Variants in CERS3 observed in about 807,000 individuals in gnomAD.
CERS3 encodes LAG1 homolog, ceramide synthase 3.
In CERS3, 33 loss-of-function variants were observed where a neutral mutation model predicts 50.3. The ratio of observed to expected loss-of-function variants is 0.66; its 90% CI spans 0.50 to 0.88. The LOEUF is 0.88. CERS3 is among the 40% of genes least tolerant of loss of function. The pLI is 0.00. For synonymous variants in CERS3, 176 were observed against 155.2 expected, an observed-to-expected ratio of 1.13 and a Z score of -0.99; for missense variants, 470 against 460.3, an observed-to-expected ratio of 1.02 and a Z score of -0.19.
intron 9 of CERS3, among the ~76,000 whole-genome samples, chr15:100,471,181 TAA>T (rs1272588628): frequency 6.6e-6 from 1 of 152,226 alleles, no homozygotes; most frequent in African/African-American, 2.4e-5. Context: ...AAGCTGTTCT[TAA>T]AGTTTGCCCA....
intron 10 of CERS3, among the ~76,000 whole-genome samples, chr15:100,468,126 A>T (rs1039267130): frequency 7.9e-5 from 12 of 152,114 alleles, no homozygotes; most frequent in Admixed American, 6.5e-4. Context: ...CTTAGATTTG[A>T]TTCTAGTTGA....
intron 1 of CERS3, among the ~76,000 whole-genome samples, chr15:100,524,773 A>G (rs1001515449): frequency 3.3e-5 from 5 of 152,250 alleles, no homozygotes; most frequent in Non-Finnish European, 7.3e-5. Flanking sequence ...ATGTTTTCAG[A>G]ATTTTTTGCT....
At chr15:100,493,434 T>C (rs1349749306) in intron 3 of CERS3, among the ~76,000 whole-genome samples, 1 of 152,214 alleles carries the variant, frequency 6.6e-6, no homozygotes, top group Non-Finnish European at 1.5e-5. Context: ...ATTCCTTGTA[T>C]GTGATGAGTT....
intron 5 of CERS3, among the ~76,000 whole-genome samples, chr15:100,480,456 C>T (rs76308706): frequency 0.07 from 10,687 of 152,230 alleles, 518 homozygotes; most frequent in Non-Finnish European, 0.11. Context: ...TCTCTTATCC[C>T]CATTTAATTC....
rs557998184 is a variant in CERS3 at position 100,461,866 on chromosome 15, C to T, written c.846-5820G>A. Among the ~76,000 whole-genome samples, 98 of 152,232 alleles carry T rather than the reference C, an allele frequency of 6.4e-4. 1 individual carries two copies. The highest frequency in any genetic ancestry group is 2.3e-3 in the African/African-American group (96 of 41,538). ...TGGAACAGGAGTCAGAGGGGAGTAGCCATTGTGGCACGGGTAACAACCAGC... is the reference window on the plus strand; with the variant it reads ...TGGAACAGGAGTCAGAGGGGAGTAGTCATTGTGGCACGGGTAACAACCAGC... On this transcript the variant is annotated intron_variant, in intron 10 of 11. Coordinates refer to ENST00000679737, the MANE Select transcript of CERS3 (RefSeq NM_001378789.1).
chr15:100,409,979 G>A (rs1425558770), intron 11 of CERS3, among the ~76,000 whole-genome samples: 1 of 152,198 alleles, frequency 6.6e-6, no homozygotes, highest in African/African-American at 2.4e-5. Flanking sequence ...ATCTGCCAGA[G>A]TGACTCCCCC....
At chr15:100,416,131 A>AAAGT (rs35137534) in intron 11 of CERS3, among the ~76,000 whole-genome samples, 85,888 of 151,536 alleles carry the variant, frequency 0.57, 24,534 homozygotes, top group Non-Finnish European at 0.6. Context: ...GAATTAGAAA[A>AAAGT]ATTATAAAAT....
At chr15:100,455,252 G>GAA (rs140205540) in intron 11 of CERS3, among the ~76,000 whole-genome samples, 1 of 144,088 alleles carries the variant, frequency 6.9e-6, no homozygotes, top group African/African-American at 2.5e-5. Context: ...TTATCCCAAG[G>GAA]AAAAAAAAAA....
intron 2 of CERS3, among the ~76,000 whole-genome samples, chr15:100,517,940 C>T (rs2036537362): frequency 6.6e-6 from 1 of 152,138 alleles, no homozygotes; most frequent in Non-Finnish European, 1.5e-5. Context: ...TGGCCAAGGG[C>T]CAATGGCATT....
At chr15:100,520,751 A>G (rs989058753) in intron 2 of CERS3, among the ~76,000 whole-genome samples, 1 of 152,072 alleles carries the variant, frequency 6.6e-6, no homozygotes, top group Non-Finnish European at 1.5e-5. Context: ...CTTCTGCCTG[A>G]GCCCTCCACT....
chr15:100,517,681 C>G (rs905543), intron 2 of CERS3, among the ~76,000 whole-genome samples: 151,242 of 152,264 alleles, frequency 0.99, 75,125 homozygotes, highest in Middle Eastern at 1. Flanking sequence ...AAATGTGTTT[C>G]TTATGTAATG....
chr15:100,461,789 G>A (rs946948223), intron 10 of CERS3, among the ~76,000 whole-genome samples: 1 of 152,144 alleles, frequency 6.6e-6, no homozygotes, highest in Non-Finnish European at 1.5e-5. Context: ...TGGGGACTCT[G>A]CTGCCTGAAC....
At chr15:100,421,061 T>C (rs554770376) in intron 11 of CERS3, among the ~76,000 whole-genome samples, 1 of 148,516 alleles carries the variant, frequency 6.7e-6, no homozygotes, top group South Asian at 2.2e-4. Context: ...CTATTCAACA[T>C]AGTGTTGGAA....
intron 1 of CERS3, among the ~76,000 whole-genome samples, chr15:100,535,415 A>T (rs944331484): frequency 1.3e-5 from 2 of 152,260 alleles, no homozygotes; most frequent in Non-Finnish European, 2.9e-5. Flanking sequence ...GGAGCTAAGG[A>T]TGTCAAGAAT....
chr15:100,414,548 C>G (rs577991483), intron 11 of CERS3, among the ~76,000 whole-genome samples: 4 of 152,040 alleles, frequency 2.6e-5, no homozygotes, highest in Non-Finnish European at 5.9e-5. Context: ...GCTACAAAAA[C>G]CAAAACAGCA....
chr15:100,408,661 A>T (rs1457719723), intron 11 of CERS3: 1 of 152,114 alleles, frequency 6.6e-6, no homozygotes, highest in Non-Finnish European at 1.5e-5. Flanking sequence ...TCCCTGCGGT[A>T]AGAGTTTATT....
intron 2 of CERS3, among the ~76,000 whole-genome samples, chr15:100,513,945 C>G (rs1209653999): frequency 6.6e-6 from 1 of 152,164 alleles, no homozygotes; most frequent in Non-Finnish European, 1.5e-5. Context: ...TTCCAGAGCC[C>G]CAGATCCCCC....
intron 10 of CERS3, among the ~76,000 whole-genome samples, chr15:100,456,784 TA>T (rs1431512714): frequency 6.6e-6 from 1 of 150,742 alleles, no homozygotes; most frequent in Non-Finnish European, 1.5e-5. Flanking sequence ...CCATTTGTAC[TA>T]AAAATGCAAA....
chr15:100,447,875 C>T (rs1385578818), intron 11 of CERS3, among the ~76,000 whole-genome samples: 6 of 152,204 alleles, frequency 3.9e-5, no homozygotes, highest in Admixed American at 3.9e-4. Flanking sequence ...CTTTCCCTCA[C>T]TGTGTTCTGG....
Sources: gnomAD v4.1 joint callset for allele counts (sites outside exome capture counted in the v4.1 genomes callset) on GRCh38, gnomAD v4.1.1 for gene constraint, MANE v1.5 for transcripts, NCBI Gene and HGNC (gene_info 2026-07-23, HGNC 2026-07-21) for gene names.